The following AGBL4 variants were observed in gnomAD, a reference collection of about 807,000 sequenced individuals.
AGBL4 encodes the protein AGBL carboxypeptidase 4.
AGBL4 carries 58 observed loss-of-function variants against 66.4 expected under a neutral mutation model. The ratio of observed to expected loss-of-function variants is 0.87; its 90% CI spans 0.71 to 1.09. AGBL4 has a LOEUF of 1.09. Ranked by LOEUF, AGBL4 falls within the 50% of genes least tolerant of loss-of-function variation. AGBL4 has a pLI of 0.00. For missense variants in AGBL4, 579 were observed against 631.0 expected, an observed-to-expected ratio of 0.92 and a Z score of 0.88; for synonymous variants, 234 against 222.9, an observed-to-expected ratio of 1.05 and a Z score of -0.44.
chr1:49,406,002 A>C (rs983214170), intron 3 of AGBL4, among the ~76,000 whole-genome samples: 3 of 152,230 alleles, frequency 2.0e-5, no homozygotes, highest in African/African-American at 7.2e-5. Context: ...ATTAGCCCTT[A>C]CAACAACCAC....
intron 3 of AGBL4, among the ~76,000 whole-genome samples, chr1:49,381,417 T>C (rs937263353): frequency 4.6e-5 from 7 of 152,128 alleles, no homozygotes; most frequent in Non-Finnish European, 8.8e-5. Context: ...ACTAGTTCAA[T>C]CATTGTGGAA....
chr1:49,298,898 C>G (rs1304619103), intron 3 of AGBL4, among the ~76,000 whole-genome samples: 1 of 152,124 alleles, frequency 6.6e-6, no homozygotes, highest in Non-Finnish European at 1.5e-5. Context: ...TGCAATCTAG[C>G]CACTCGTATG....
At chr1:48,641,599 G>T (rs1323173311) in intron 8 of AGBL4, among the ~76,000 whole-genome samples, 2 of 152,126 alleles carry the variant, frequency 1.3e-5, no homozygotes, top group Non-Finnish European at 2.9e-5. Context: ...TTTGCTCAAA[G>T]ACCTGAAAGT....
At chr1:49,923,070 C>G (rs1265163093) in intron 1 of AGBL4, among the ~76,000 whole-genome samples, 2 of 152,092 alleles carry the variant, frequency 1.3e-5, no homozygotes, top group African/African-American at 4.8e-5. Flanking sequence ...TTCAAACAAT[C>G]CTACAGAGCT....
At chr1:48,913,466 C>G (rs1230275672) in intron 5 of AGBL4, among the ~76,000 whole-genome samples, 1 of 152,138 alleles carries the variant, frequency 6.6e-6, no homozygotes, top group Non-Finnish European at 1.5e-5. Context: ...TCATCACTCA[C>G]ATTACCATCT....
chr1:49,842,109 C>A, intron 2 of AGBL4: 1 of 352,608 alleles, frequency 2.8e-6, no homozygotes, highest in Non-Finnish European at 5.4e-6. Flanking sequence ...AAGTCCGCGC[C>A]AAGCTCCCCA....
chr1:48,843,767 C>T (rs149455713), intron 6 of AGBL4, among the ~76,000 whole-genome samples: 23 of 151,744 alleles, frequency 1.5e-4, no homozygotes, highest in African/African-American at 5.3e-4. Flanking sequence ...ATGAGAAAAC[C>T]GAGACTGAGA....
At chr1:49,621,321 G>A (rs1645356629) in intron 3 of AGBL4, among the ~76,000 whole-genome samples, 1 of 152,130 alleles carries the variant, frequency 6.6e-6, no homozygotes, top group African/African-American at 2.4e-5. Context: ...GGTTTCCATT[G>A]GCTGGAACGG....
At chr1:49,794,528 A>G (rs1644683204) in intron 2 of AGBL4, among the ~76,000 whole-genome samples, 1 of 151,918 alleles carries the variant, frequency 6.6e-6, no homozygotes, top group Non-Finnish European at 1.5e-5. Flanking sequence ...ATGTCTAAGA[A>G]AGTGCTAACA....
intron 4 of AGBL4, among the ~76,000 whole-genome samples, chr1:49,088,123 C>T (rs780962527): frequency 6.6e-6 from 1 of 152,110 alleles, no homozygotes; most frequent in African/African-American, 2.4e-5. Flanking sequence ...CTGGCCACCA[C>T]AAAAACACAC....
chr1:49,729,963 G>A (rs1558197937), intron 2 of AGBL4, among the ~76,000 whole-genome samples: 1 of 152,054 alleles, frequency 6.6e-6, no homozygotes, highest in African/African-American at 2.4e-5. Context: ...ACCCGAGTGA[G>A]AACTTCTATT....
intron 2 of AGBL4, among the ~76,000 whole-genome samples, chr1:49,728,454 A>T (rs892338404): frequency 5.9e-5 from 9 of 152,212 alleles, no homozygotes; most frequent in Non-Finnish European, 1.2e-4. Flanking sequence ...ACAACTTAGC[A>T]GCCAGCTTGC....
intron 4 of AGBL4, among the ~76,000 whole-genome samples, chr1:49,087,931 A>G (rs1644937089): frequency 6.6e-6 from 1 of 152,346 alleles, no homozygotes; most frequent in East Asian, 1.9e-4. Context: ...GAGGGTCTCT[A>G]TTCAACATTC....
At chr1:49,965,064 T>C (rs551403625) in intron 1 of AGBL4, among the ~76,000 whole-genome samples, 14 of 152,328 alleles carry the variant, frequency 9.2e-5, no homozygotes, top group African/African-American at 3.4e-4. Flanking sequence ...GTATCCATGA[T>C]TGGGCAAGTT....
At chr1:49,772,021 A>C (rs1028622757) in intron 2 of AGBL4, among the ~76,000 whole-genome samples, 11 of 151,802 alleles carry the variant, frequency 7.2e-5, no homozygotes, top group Non-Finnish European at 1.5e-4. Context: ...TATATTAATC[A>C]TTTTTTCATT....
intron 3 of AGBL4, among the ~76,000 whole-genome samples, chr1:49,542,339 A>G (rs1309237740): frequency 6.6e-6 from 1 of 152,186 alleles, no homozygotes; most frequent in Non-Finnish European, 1.5e-5. Flanking sequence ...CACTGCCTTT[A>G]TGAGCTGTAA....
intron 3 of AGBL4, among the ~76,000 whole-genome samples, chr1:49,627,505 T>C (rs1645486960): frequency 6.6e-6 from 1 of 152,146 alleles, no homozygotes; most frequent in Non-Finnish European, 1.5e-5. Context: ...TGATGAATTG[T>C]CCTGGCCATT....
At chr1:48,576,273 T>C (rs1458295907) in intron 11 of AGBL4, among the ~76,000 whole-genome samples, 4 of 152,176 alleles carry the variant, frequency 2.6e-5, no homozygotes, top group Non-Finnish European at 4.4e-5. Context: ...GCACTTCTTT[T>C]AAGAATATAA....
At chr1:49,552,683 G>A (rs1034553357) in intron 3 of AGBL4, among the ~76,000 whole-genome samples, 6 of 152,140 alleles carry the variant, frequency 3.9e-5, no homozygotes, top group African/African-American at 1.4e-4. Flanking sequence ...GTAGCAGTCC[G>A]CTTTCTTCAG....
Sources: gnomAD v4.1 joint callset for allele counts (sites outside exome capture counted in the v4.1 genomes callset) on GRCh38, gnomAD v4.1.1 for gene constraint, MANE v1.5 for transcripts, NCBI Gene and HGNC (gene_info 2026-07-23, HGNC 2026-07-21) for gene names.